MAP3K13: variants seen among roughly 807,000 people sequenced by gnomAD.
MAP3K13 encodes the protein leucine zipper-bearing kinase.
A neutral mutation model predicts 104.0 loss-of-function variants in MAP3K13; 52 were observed. The ratio of observed to expected loss-of-function variants is 0.50; its 90% CI spans 0.40 to 0.63. MAP3K13 has a LOEUF of 0.63. Among genes scored for constraint, MAP3K13 ranks in the 20% least tolerant of loss-of-function variants. The probability of loss-of-function intolerance (pLI) is 0.00; values close to 1 mark genes in which losing one functional copy is unlikely to be tolerated. For synonymous variants in MAP3K13, 394 were observed against 442.2 expected, an observed-to-expected ratio of 0.89 and a Z score of 1.37; for missense variants, 914 against 1,218.5, an observed-to-expected ratio of 0.75 and a Z score of 3.72.
At chr3:185,406,202 C>T (rs1713105916) in intron 1 of MAP3K13, among the ~76,000 whole-genome samples, 2 of 152,154 alleles carry the variant, frequency 1.3e-5, no homozygotes, top group Non-Finnish European at 2.9e-5. Flanking sequence ...AAACAGGAAG[C>T]CCAGGGTGCC....
intron 8 of MAP3K13, 72 bp downstream of exon 8, chr3:185,463,731 AACC>A (rs1202351586): frequency 1.2e-6 from 1 of 841,788 alleles, no homozygotes; most frequent in East Asian, 2.5e-5. Context: ...CCCTTATCAT[AACC>A]ACCATTTCAC....
intron 1 of MAP3K13, among the ~76,000 whole-genome samples, chr3:185,374,763 T>C (rs1466936277): frequency 1.3e-5 from 2 of 152,070 alleles, no homozygotes; most frequent in Non-Finnish European, 2.9e-5. Flanking sequence ...GTCCCCCTTT[T>C]TTTTTAGCAG....
intron 2 of MAP3K13, among the ~76,000 whole-genome samples, chr3:185,286,095 T>C (rs1720500620): frequency 6.6e-6 from 1 of 152,150 alleles, no homozygotes; most frequent in African/African-American, 2.4e-5. Context: ...GGCCAAAAAA[T>C]GTCTTCGTTT....
intron 7 of MAP3K13, among the ~76,000 whole-genome samples, chr3:185,461,711 G>A (rs1047801172): frequency 1.3e-5 from 2 of 151,836 alleles, no homozygotes; most frequent in Non-Finnish European, 1.5e-5. Context: ...TGCAGGGGCA[G>A]GCCACCACAC....
At chr3:185,410,936 A>C (rs1301297237) in intron 1 of MAP3K13, among the ~76,000 whole-genome samples, 1 of 151,194 alleles carries the variant, frequency 6.6e-6, no homozygotes, top group Non-Finnish European at 1.5e-5. Flanking sequence ...CTCTGTCTAA[A>C]AAAAAAAAAA....
chr3:185,361,098 A>ATGTGTGTG (rs34760922), upstream of MAP3K13, among the ~76,000 whole-genome samples: 810 of 146,674 alleles, frequency 5.5e-3, 11 homozygotes, highest in African/African-American at 0.019. Context: ...ATATATATAT[A>ATGTGTGTG]TGTGTGTGTG....
chr3:185,321,552 C>T (rs1250119107), intron 2 of MAP3K13, among the ~76,000 whole-genome samples: 1 of 152,164 alleles, frequency 6.6e-6, no homozygotes, highest in Non-Finnish European at 1.5e-5. Context: ...TGATTTGCCA[C>T]ATGTGGCCAT....
chr3:185,380,623 C>T (rs1456752068), intron 1 of MAP3K13, among the ~76,000 whole-genome samples: 1 of 151,968 alleles, frequency 6.6e-6, no homozygotes, highest in Non-Finnish European at 1.5e-5. Flanking sequence ...CTAGGTAATG[C>T]TGATGCGTGC....
chr3:185,417,764 T>C lies in MAP3K13; in HGVS notation c.-85-10733T>C. 2.5e-6 allele frequency: 4 copies of C among 1,612,336 alleles called. No individual in the cohort carries two copies. In the Admixed American group the frequency reaches 5.0e-5, roughly 20 times the overall value. ...TGATTCCTGGCCTGGCGAAGAATGG[T>C]GTTCCGGCGCATGGTCTTTGCATAT... On this transcript the variant is annotated intron_variant, in intron 1 of 13. Transcript: ENST00000265026.
chr3:185,400,588 C>A (rs548980298), intron 1 of MAP3K13, among the ~76,000 whole-genome samples: 14 of 152,156 alleles, frequency 9.2e-5, no homozygotes, highest in Admixed American at 2.0e-4. Flanking sequence ...TAGGTGTAGC[C>A]TTGTGATTTC....
At position 185,373,823 on chromosome 3, in the gene MAP3K13, AT is replaced by A. The variant is rs148364519; in HGVS notation, c.-86+10480del. On this transcript the variant is annotated intron_variant, in intron 1 of 13. Transcript: ENST00000265026. ...AGCCTGGTCCTATACAGTGAAAAGG[AT>A]TTTTTTTTTTTTTTTTTTTTTTTTG... Among the ~76,000 whole-genome samples the A allele has an allele frequency of 6.2e-3, 708 of 113,294 alleles. 5 individuals carry two copies. Among genetic ancestry groups the A allele is most frequent in the African/African-American group, 0.02 (574 of 28,480 alleles). The allele number at this position is 113,294 out of a possible 152,430, so 74.3% of individuals were successfully genotyped here.
chr3:185,295,844 A>C (rs558178533), intron 2 of MAP3K13, among the ~76,000 whole-genome samples: 2 of 152,336 alleles, frequency 1.3e-5, no homozygotes, highest in African/African-American at 4.8e-5. Context: ...GGCAAATAGT[A>C]GGGATTCAGT....
intron 1 of MAP3K13, among the ~76,000 whole-genome samples, chr3:185,411,717 T>A (rs1313042397): frequency 4.0e-5 from 6 of 151,870 alleles, no homozygotes; most frequent in Non-Finnish European, 8.8e-5. Flanking sequence ...TTAGGAGCAC[T>A]TAATGAAACC....
chr3:185,486,899 TG>T lies in MAP3K13; in HGVS notation c.*4445del. ...CTTAAGTTTAGACCTGTTTGCAAGATGGTGGGGAGCTCCTACTGAGAAAGAT... is the reference window on the plus strand; with the variant it reads ...CTTAAGTTTAGACCTGTTTGCAAGATGTGGGGAGCTCCTACTGAGAAAGAT... On this transcript the variant is annotated 3_prime_UTR_variant, in exon 14 of 14. Transcript: ENST00000265026. The T allele has an allele frequency of 6.6e-6, 1 of 152,218 alleles. No individual in the cohort carries two copies. The highest frequency in any genetic ancestry group is 2.1e-4 in the South Asian group (1 of 4,834). 9.4% of individuals were successfully genotyped at this position (152,218 alleles called of 1,614,324 possible).
chr3:185,426,739 A>G (rs1006251356), intron 1 of MAP3K13, among the ~76,000 whole-genome samples: 7 of 151,996 alleles, frequency 4.6e-5, no homozygotes, highest in African/African-American at 1.7e-4. Context: ...CCACACCTGT[A>G]ATACCTTCCC....
chr3:185,360,316 C>G (rs561283563), upstream of MAP3K13, among the ~76,000 whole-genome samples: 20 of 152,318 alleles, frequency 1.3e-4, no homozygotes, highest in Admixed American at 7.8e-4. Context: ...AAATTCACTT[C>G]CTCAAGAACA....
chr3:185,373,959 G>A (rs989178207), intron 1 of MAP3K13, among the ~76,000 whole-genome samples: 1 of 151,922 alleles, frequency 6.6e-6, no homozygotes, highest in African/African-American at 2.4e-5. Flanking sequence ...TGGGATGGGC[G>A]GTGGAGTTAA....
At chr3:185,319,591 T>C (rs1721789302) in intron 2 of MAP3K13, among the ~76,000 whole-genome samples, 1 of 152,212 alleles carries the variant, frequency 6.6e-6, no homozygotes, top group African/African-American at 2.4e-5. Context: ...GGGAGTAGAA[T>C]TGCTGATTAT....
chr3:185,478,251 C>A (rs1028114470), intron 12 of MAP3K13, among the ~76,000 whole-genome samples: 9 of 152,100 alleles, frequency 5.9e-5, no homozygotes, highest in Non-Finnish European at 1.3e-4. Flanking sequence ...ATAAAAGCTG[C>A]CTCTAATGTA....
Sources: allele counts gnomAD v4.1 joint callset (sites outside exome capture counted in the v4.1 genomes callset), GRCh38; gene constraint gnomAD v4.1.1; transcripts MANE v1.5; gene names NCBI Gene and HGNC (gene_info 2026-07-23, HGNC 2026-07-21).